SDK1: variants seen among roughly 807,000 people sequenced by gnomAD.
The protein encoded by SDK1 is protein sidekick-1.
Under a neutral mutation model 245.5 loss-of-function variants are expected in SDK1, and 157 were observed. The ratio of observed to expected loss-of-function variants is 0.64; its 90% CI spans 0.56 to 0.73. The LOEUF is 0.73. SDK1 is among the 30% of genes least tolerant of loss of function. The pLI is 0.00. For missense variants in SDK1, 3,583 were observed against 3,002.3 expected, an observed-to-expected ratio of 1.19 and a Z score of -4.52; for synonymous variants, 1,647 against 1,278.5, an observed-to-expected ratio of 1.29 and a Z score of -6.15.
chr7:3,610,771 A>C (rs1169408064), intron 1 of SDK1, among the ~76,000 whole-genome samples: 3 of 152,232 alleles, frequency 2.0e-5, no homozygotes, highest in Non-Finnish European at 4.4e-5. Flanking sequence ...ACAGAGAATC[A>C]GTTTGACTTC....
chr7:3,839,636 TATCC>T (rs1362629633), intron 5 of SDK1, among the ~76,000 whole-genome samples: 3 of 152,234 alleles, frequency 2.0e-5, no homozygotes, highest in Admixed American at 1.3e-4. Flanking sequence ...CTAGAAGTAA[TATCC>T]ATCCATGAAT....
At chr7:3,755,925 G>A (rs1213316256) in intron 4 of SDK1, among the ~76,000 whole-genome samples, 1 of 151,842 alleles carries the variant, frequency 6.6e-6, no homozygotes, top group Non-Finnish European at 1.5e-5. Context: ...CATAGCACGT[G>A]TGACACATGT....
At chr7:3,316,254 G>C (rs1300804162) in intron 1 of SDK1, among the ~76,000 whole-genome samples, 3 of 152,116 alleles carry the variant, frequency 2.0e-5, no homozygotes. Context: ...GGTCCTGAAA[G>C]ATTATAATTC....
Position 4,012,097 on chromosome 7 carries a change from T to C in SDK1, c.2282T>C (p.Leu761Ser), listed in dbSNP as rs1786019537. 6.5e-7 allele frequency: 1 copy of C among 1,541,670 alleles called. No individual in the cohort carries two copies. ...RGQYSAETSR[L>S]MLPEEPPSAP... is the part of the protein sequence containing the mutation. The stretch of plus-strand genomic sequence containing the variant: ...TCCTACCCGTCTTTTATTTATAGGT[T>C]GATGCTACCTGAAGAACCACCCAGT... The change falls in exon 16 of 45, where the codon TTG (leucine) becomes TCG (serine). Residue 761 changes from leucine to serine, a missense_variant and splice_region_variant. Transcript: ENST00000404826.
intron 1 of SDK1, among the ~76,000 whole-genome samples, chr7:3,520,389 T>G (rs1177369090): frequency 6.6e-6 from 1 of 152,184 alleles, no homozygotes; most frequent in Non-Finnish European, 1.5e-5. Flanking sequence ...GTTATCTTGT[T>G]AGTATAGTGC....
chr7:3,764,707 AT>A (rs530187093), intron 4 of SDK1, among the ~76,000 whole-genome samples: 16 of 152,230 alleles, frequency 1.1e-4, no homozygotes, highest in South Asian at 2.1e-4. Context: ...CTAAAAAAAA[AT>A]AATCATCCTA....
At chr7:3,658,734 C>A (rs1027549993) in intron 4 of SDK1, among the ~76,000 whole-genome samples, 3 of 151,890 alleles carry the variant, frequency 2.0e-5, no homozygotes, top group African/African-American at 7.3e-5. Context: ...CATGTCTCAG[C>A]CTCCTGAGTA....
chr7:3,820,523 A>G (rs145560786), intron 4 of SDK1, among the ~76,000 whole-genome samples: 1 of 152,368 alleles, frequency 6.6e-6, no homozygotes, highest in East Asian at 1.9e-4. Context: ...TTATAAGTGA[A>G]GGATCCCATA....
intron 1 of SDK1, among the ~76,000 whole-genome samples, chr7:3,609,306 G>C (rs576378012): frequency 6.6e-6 from 1 of 152,148 alleles, no homozygotes; most frequent in Non-Finnish European, 1.5e-5. Flanking sequence ...GAAGAAGTTG[G>C]TGCTATTGCT....
intron 5 of SDK1, among the ~76,000 whole-genome samples, chr7:3,873,863 T>A (rs1189730541): frequency 1.3e-5 from 2 of 152,218 alleles, no homozygotes; most frequent in African/African-American, 2.4e-5. Flanking sequence ...TTATTTACTA[T>A]TAGAGCCTTT....
At chr7:3,514,114 G>C (rs1362754093) in intron 1 of SDK1, among the ~76,000 whole-genome samples, 3 of 152,258 alleles carry the variant, frequency 2.0e-5, no homozygotes, top group African/African-American at 7.2e-5. Context: ...AAAGAAGAGA[G>C]GGACGACAAG....
chr7:3,598,706 A>C (rs1562592052), intron 1 of SDK1, among the ~76,000 whole-genome samples: 1 of 152,192 alleles, frequency 6.6e-6, no homozygotes, highest in Non-Finnish European at 1.5e-5. Flanking sequence ...AAAAGGAATC[A>C]CACTGTGTGT....
intron 1 of SDK1, among the ~76,000 whole-genome samples, chr7:3,553,655 C>G (rs897231326): frequency 6.6e-6 from 1 of 152,162 alleles, no homozygotes; most frequent in East Asian, 1.9e-4. Context: ...CTGAGATACC[C>G]TTTTCCAGTG....
chr7:3,797,163 T>C lies in SDK1; in HGVS notation c.714-24287T>C, dbSNP rs116238614. Among the ~76,000 whole-genome samples the C allele has an allele frequency of 8.3e-3, 1,258 of 152,084 alleles. 17 individuals carry two copies. The highest frequency in any genetic ancestry group is 0.029 in the African/African-American group (1,203 of 41,498). On this transcript the variant is annotated intron_variant, in intron 4 of 44. Coordinates refer to ENST00000404826, the MANE Select transcript of SDK1 (RefSeq NM_152744.4). ...CTGGGACTACAGATGTGTGCCATTG[T>C]ACCTGGCTAATTTTTAAATTTTCGT...
chr7:4,047,087 G>A (rs1216419925), intron 17 of SDK1, among the ~76,000 whole-genome samples: 1 of 152,102 alleles, frequency 6.6e-6, no homozygotes, highest in Non-Finnish European at 1.5e-5. Context: ...TATGTTTTTA[G>A]AGCTTAAATG....
Position 4,267,806 on chromosome 7 carries a change from T to A in SDK1, c.*2422T>A, listed in dbSNP as rs949439283. The A allele has an allele frequency of 1.0e-6, 1 of 985,518 alleles. No individual in the cohort carries two copies. The highest frequency in any genetic ancestry group is 1.7e-5 in the African/African-American group (1 of 57,264). The allele number at this position is 985,518 out of a possible 1,614,324, so 61.0% of individuals were successfully genotyped here. A position where few individuals can be genotyped will look rare whatever the true frequency, so the allele number is the denominator to read the frequency against. ...AAACCTTGATCTGTACGGAGCGGCC[T>A]GTCCGAGGCTACGCCGGCCTCCTGG... On this transcript the variant is annotated 3_prime_UTR_variant, in exon 45 of 45. Coordinates refer to ENST00000404826, the MANE Select transcript of SDK1 (RefSeq NM_152744.4).
chr7:3,505,182 CTG>C (rs1409674176), intron 1 of SDK1, among the ~76,000 whole-genome samples: 5 of 152,042 alleles, frequency 3.3e-5, no homozygotes, highest in East Asian at 1.9e-4. Context: ...TAAAATATAT[CTG>C]TTTTTGTTTT....
chr7:3,779,554 G>A (rs1053476205), intron 4 of SDK1, among the ~76,000 whole-genome samples: 2 of 151,666 alleles, frequency 1.3e-5, no homozygotes, highest in African/African-American at 2.4e-5. Context: ...GGATATTGAC[G>A]ATCTTTATAT....
intron 1 of SDK1, among the ~76,000 whole-genome samples, chr7:3,350,609 C>A (rs1780634180): frequency 6.6e-6 from 1 of 152,118 alleles, no homozygotes; most frequent in Non-Finnish European, 1.5e-5. Flanking sequence ...AACTCTAGAC[C>A]ATGATAGAGC....
Sources: gnomAD v4.1 joint callset for allele counts (sites outside exome capture counted in the v4.1 genomes callset) on GRCh38, gnomAD v4.1.1 for gene constraint, MANE v1.5 for transcripts, NCBI Gene and HGNC (gene_info 2026-07-23, HGNC 2026-07-21) for gene names.